The following GPATCH8 variants were observed in gnomAD, a reference collection of about 807,000 sequenced individuals.
GPATCH8 encodes the protein G-patch domain containing 8.
In GPATCH8, 18 loss-of-function variants were observed where a neutral mutation model predicts 118.3. That is an observed-to-expected ratio of 0.15 (90% CI 0.11 to 0.23). The LOEUF (loss-of-function observed/expected upper bound fraction) is 0.23, where lower values mean the gene tolerates loss of function less well. GPATCH8 is among the 10% of genes least tolerant of loss of function. The pLI is 1.00. For missense variants in GPATCH8, 1,631 were observed against 1,873.8 expected, an observed-to-expected ratio of 0.87 and a Z score of 2.39; for synonymous variants, 659 against 684.7, an observed-to-expected ratio of 0.96 and a Z score of 0.59.
intron 2 of GPATCH8, among the ~76,000 whole-genome samples, chr17:44,468,374 T>C (rs1022543245): frequency 1.5e-4 from 2 of 13,488 alleles, no homozygotes; most frequent in Admixed American, 8.0e-4. Flanking sequence ...TCTTTGTTCC[T>C]TTTTTTTTTT....
At chr17:44,463,165 C>T (rs2051627846) in intron 3 of GPATCH8, among the ~76,000 whole-genome samples, 1 of 152,066 alleles carries the variant, frequency 6.6e-6, no homozygotes. Context: ...AACAGTCCTC[C>T]TGCCTCAACC....
chr17:44,482,353 C>CT, intron 1 of GPATCH8, among the ~76,000 whole-genome samples: 1 of 152,016 alleles, frequency 6.6e-6, no homozygotes, highest in Middle Eastern at 3.4e-3. Flanking sequence ...ACAGGTGGAT[C>CT]TTGAGGTCAG....
At chr17:44,429,402 T>A (rs16970729) in intron 5 of GPATCH8, among the ~76,000 whole-genome samples, 1 of 152,094 alleles carries the variant, frequency 6.6e-6, no homozygotes, top group Non-Finnish European at 1.5e-5. Flanking sequence ...TGAACACAGG[T>A]TTAACCCCTT....
intron 6 of GPATCH8, among the ~76,000 whole-genome samples, chr17:44,412,887 T>C (rs1392975826): frequency 1.3e-5 from 2 of 152,130 alleles, no homozygotes; most frequent in African/African-American, 4.8e-5. Context: ...CTGTCTCCTC[T>C]CCCCTTCCTA....
At chr17:44,472,546 A>C (rs183145479) in intron 2 of GPATCH8, among the ~76,000 whole-genome samples, 4 of 152,338 alleles carry the variant, frequency 2.6e-5, no homozygotes, top group Middle Eastern at 3.4e-3. Flanking sequence ...AATTTCATCT[A>C]AATTTACTGC....
chr17:44,439,837 G>T (rs2050630597), intron 3 of GPATCH8, among the ~76,000 whole-genome samples: 1 of 149,520 alleles, frequency 6.7e-6, no homozygotes, highest in African/African-American at 2.5e-5. Context: ...AGGCTGGAGT[G>T]CAATGGCGCA....
chr17:44,499,612 A>C (rs1303282705), intron 1 of GPATCH8, among the ~76,000 whole-genome samples: 1 of 152,254 alleles, frequency 6.6e-6, no homozygotes, highest in Non-Finnish European at 1.5e-5. Context: ...TAAAATGCTA[A>C]GCACTGTTTC....
intron 6 of GPATCH8, among the ~76,000 whole-genome samples, chr17:44,419,658 A>AGT (rs371885201): frequency 8.3e-5 from 12 of 145,010 alleles, no homozygotes; most frequent in African/African-American, 5.0e-5. Flanking sequence ...ACATCAGGGT[A>AGT]ATTTTTTTTT....
At position 44,395,792 on chromosome 17, in the gene GPATCH8, C is replaced by G. The variant is rs1567913141; in HGVS notation, c.*1776G>C. ...TTTTCTTGTCAAGTGACCAACCAAC[C>G]AATTCTAGCCACACGAATAGTTAGG... is the stretch of plus-strand genomic sequence containing the variant. On this transcript the variant is annotated 3_prime_UTR_variant, in exon 8 of 8. Transcript: ENST00000591680. 2 of 453,974 alleles carry G rather than the reference C, an allele frequency of 4.4e-6. No homozygotes were observed. Among genetic ancestry groups the G allele is most frequent in the Non-Finnish European group, 8.8e-6 (2 of 226,806 alleles). The allele number at this position is 453,974 out of a possible 1,614,324, so 28.1% of individuals were successfully genotyped here.
Position 44,400,114 on chromosome 17 carries a change from T to C in GPATCH8, c.1963A>G (p.Thr655Ala). The change falls in exon 8 of 8, where the codon ACA (threonine) becomes GCA (alanine). Residue 655 changes from threonine to alanine, a missense_variant. Coordinates refer to ENST00000591680, the MANE Select transcript of GPATCH8 (RefSeq NM_001002909.4). ...QEPGGSHGSE[T>A]EDTGRSLPSK... Reference sequence around the variant, plus strand: ...GGAAGGCTTCTCCCTGTGTCTTCTGTCTCAGACCCATGGCTACCCCCAGGC... The same window carrying C: ...GGAAGGCTTCTCCCTGTGTCTTCTGCCTCAGACCCATGGCTACCCCCAGGC... The C allele has an allele frequency of 6.2e-7, 1 of 1,613,930 alleles. No homozygotes were observed. The highest frequency in any genetic ancestry group is 8.5e-7 in the Non-Finnish European group (1 of 1,180,026).
intron 5 of GPATCH8, among the ~76,000 whole-genome samples, chr17:44,430,645 A>T (rs2050272129): frequency 6.8e-6 from 1 of 147,334 alleles, no homozygotes; most frequent in South Asian, 2.1e-4. Flanking sequence ...TCACTGTTGC[A>T]TTTTTTTTTT....
At position 44,468,373 on chromosome 17, in the gene GPATCH8, C is replaced by CTTTT. The variant is rs869068538; in HGVS notation, c.121-3833_121-3830dup. 4.9e-4 allele frequency among the ~76,000 whole-genome samples: 49 copies of CTTTT among 100,010 alleles called. 1 individual carries two copies. The highest frequency in any genetic ancestry group is 7.3e-4 in the African/African-American group (17 of 23,198). 65.6% of individuals were successfully genotyped at this position (100,010 alleles called of 152,430 possible). ...CAATGAACATTAAATTTCTTTGTTC[C>CTTTT]TTTTTTTTTTTTTTTTTTTTTTTTT... On this transcript the variant is annotated intron_variant, in intron 2 of 7. Transcript: ENST00000591680.
intron 5 of GPATCH8, among the ~76,000 whole-genome samples, chr17:44,427,332 CAT>C (rs530203044): frequency 6.6e-6 from 1 of 151,572 alleles, no homozygotes; most frequent in African/African-American, 2.4e-5. Flanking sequence ...ATATAAAATA[CAT>C]ATATATATAA....
chr17:44,406,310 C>G (rs760149057), intron 6 of GPATCH8, among the ~76,000 whole-genome samples: 1 of 152,046 alleles, frequency 6.6e-6, no homozygotes, highest in Non-Finnish European at 1.5e-5. Flanking sequence ...ATGCAACAAG[C>G]AAATTTTAGA....
intron 3 of GPATCH8, among the ~76,000 whole-genome samples, chr17:44,448,489 CAA>C (rs1165847501): frequency 2.4e-4 from 9 of 37,662 alleles, no homozygotes; most frequent in African/African-American, 2.3e-4. Context: ...TCACGTGAGC[CAA>C]AAAAAAAAAA....
intron 1 of GPATCH8, among the ~76,000 whole-genome samples, chr17:44,496,056 AT>A (rs1969647161): frequency 1.3e-5 from 2 of 152,102 alleles, no homozygotes. Flanking sequence ...TTTAGTAGAG[AT>A]GGGTTTTCAC....
intron 3 of GPATCH8, chr17:44,438,553 G>A (rs1219184391): frequency 2.0e-5 from 3 of 151,966 alleles, no homozygotes. Context: ...CATAAGGAAA[G>A]GAAAGGAAAA....
chr17:44,414,091 A>ATATATATATGTGTG (rs2049563524), intron 6 of GPATCH8, among the ~76,000 whole-genome samples: 1 of 129,384 alleles, frequency 7.7e-6, no homozygotes, highest in Non-Finnish European at 1.7e-5. Flanking sequence ...GTGTGTGTAT[A>ATATATATATGTGTG]TATATATATG....
At chr17:44,468,522 G>T (rs1967002970) in intron 2 of GPATCH8, among the ~76,000 whole-genome samples, 1 of 150,794 alleles carries the variant, frequency 6.6e-6, no homozygotes, top group Non-Finnish European at 1.5e-5. Context: ...CAAAGTGCTG[G>T]GATTACAGGT....
Sources: gnomAD v4.1 joint callset for allele counts (sites outside exome capture counted in the v4.1 genomes callset) on GRCh38, gnomAD v4.1.1 for gene constraint, MANE v1.5 for transcripts, NCBI Gene and HGNC (gene_info 2026-07-23, HGNC 2026-07-21) for gene names.